Variants in IL17RA observed in about 807,000 individuals in gnomAD.
The protein encoded by IL17RA is interleukin-17 receptor A.
In IL17RA, 34 loss-of-function variants were observed where a neutral mutation model predicts 50.4. That is an observed-to-expected ratio of 0.67 (90% CI 0.51 to 0.90). The LOEUF (loss-of-function observed/expected upper bound fraction) is 0.90. Among genes scored for constraint, IL17RA ranks in the 40% least tolerant of loss-of-function variants. The pLI, the probability that IL17RA is intolerant of heterozygous loss-of-function variation, is 0.00. For synonymous variants in IL17RA, 585 were observed against 510.4 expected, an observed-to-expected ratio of 1.15 and a Z score of -1.97; for missense variants, 1,276 against 1,169.8, an observed-to-expected ratio of 1.09 and a Z score of -1.32.
At position 17,108,335 on chromosome 22, in the gene IL17RA, C is replaced by T. The variant is rs138584265; in HGVS notation, c.1116C>T (p.Pro372=). Residue 372 remains proline (P), a synonymous_variant, in exon 13 of 13, where the codon CCC becomes CCT. Coordinates refer to ENST00000319363, the MANE Select transcript of IL17RA (RefSeq NM_014339.7). ...GCCTGCCTGCGGCTGACCTGATCCC[C>T]CCACCGCTGAAGCCCAGGAAGGTCT... The part of the protein sequence containing the change: ...TDGLPAADLI[P]PPLKPRKVWI... 1,232 of 1,614,140 alleles carry T rather than the reference C, an allele frequency of 7.6e-4. 9 individuals carry two copies. The African/African-American group carries it at 0.015, about 20-fold the overall frequency.
chr22:17,099,156 G>A (rs773123175), intron 4 of IL17RA, among the ~76,000 whole-genome samples: 3 of 152,112 alleles, frequency 2.0e-5, no homozygotes, highest in African/African-American at 7.2e-5. Flanking sequence ...CTAGCTATTC[G>A]TTCGGAAAGG....
intron 8 of IL17RA, 25 bp from the exon 9 acceptor site, chr22:17,104,701 C>T (rs1232998975): frequency 3.7e-6 from 6 of 1,612,352 alleles, no homozygotes; most frequent in South Asian, 1.1e-5. Flanking sequence ...TTCTGGAGCC[C>T]TTTTCCTGCC....
intron 5 of IL17RA, among the ~76,000 whole-genome samples, chr22:17,100,704 C>T (rs1189642183): frequency 1.3e-5 from 2 of 152,186 alleles, no homozygotes; most frequent in Non-Finnish European, 2.9e-5. Flanking sequence ...CAACAGTGGA[C>T]GGTGGCCCAA....
At chr22:17,097,969 T>TG (rs768596135) in intron 3 of IL17RA, 26 bp downstream of exon 3, 11 of 1,613,220 alleles carry the variant, frequency 6.8e-6, no homozygotes, top group African/African-American at 4.0e-5. Flanking sequence ...AGCAGGGCCC[T>TG]GGGGGATTCT....
chr22:17,097,877 T>C lies in IL17RA; in HGVS notation c.244T>C (p.Phe82Leu). 6.2e-7 allele frequency: 1 copy of C among 1,614,210 alleles called. No individual in the cohort carries two copies. Among genetic ancestry groups the C allele is most frequent in the South Asian group, 1.1e-5 (1 of 91,086 alleles). ...SPKDLQIQLH[F>L]AHTQQGDLFP... Reference sequence around the variant, plus strand: ...AAAGGACCTGCAGATCCAGCTGCACTTTGCCCACACCCAACAAGGAGACCT... The same window carrying C: ...AAAGGACCTGCAGATCCAGCTGCACCTTGCCCACACCCAACAAGGAGACCT... Residue 82 changes from phenylalanine to leucine, a missense_variant, in exon 3 of 13, where the codon TTT (phenylalanine) becomes CTT (leucine). Coordinates refer to ENST00000319363, the MANE Select transcript of IL17RA (RefSeq NM_014339.7).
chr22:17,104,842 T>C (rs1324209460), intron 9 of IL17RA, 32 bp downstream of exon 9: 1 of 1,606,628 alleles, frequency 6.2e-7, no homozygotes, highest in East Asian at 2.2e-5. Flanking sequence ...TAGGCCATAC[T>C]GGGAGAACAA....
rs552071715 is a variant in IL17RA, at chr22:17,093,740, A to G, written c.139-3322A>G. On this transcript the variant is annotated intron_variant, in intron 1 of 12. Coordinates refer to ENST00000319363, the MANE Select transcript of IL17RA (RefSeq NM_014339.7). ...TTTCTGGACAGCTGCACATGGACAC[A>G]GTATGGAACGTTCCTTATTCCTTTG... The G allele has an allele frequency of 2.6e-4, 51 of 193,494 alleles. No homozygotes were observed. The East Asian group carries it at 5.1e-3, about 19-fold the overall frequency. The allele number at this position is 193,494 out of a possible 1,614,324, so 12.0% of individuals were successfully genotyped here. A position where few individuals can be genotyped will look rare whatever the true frequency, so the allele number is the denominator to read the frequency against.
chr22:17,109,913 T>C lies in IL17RA; in HGVS notation c.*93T>C. ...GTGTGTACATGTCTGCATGTGTATA[T>C]GTTCGTGTGTGAAATGTAGGCTTTA... On this transcript the variant is annotated 3_prime_UTR_variant, in exon 13 of 13. Coordinates refer to ENST00000319363, the MANE Select transcript of IL17RA (RefSeq NM_014339.7). 8.7e-7 allele frequency: 1 copy of C among 1,153,558 alleles called. No individual in the cohort carries two copies. Among genetic ancestry groups the C allele is most frequent in the Non-Finnish European group, 1.2e-6 (1 of 814,826 alleles). 71.5% of individuals were successfully genotyped at this position (1,153,558 alleles called of 1,614,324 possible).
chr22:17,109,535 C>A lies in IL17RA; in HGVS notation c.2316C>A (p.Ala772=). The change falls in exon 13 of 13, where the codon GCC becomes GCA. Residue 772 remains alanine, a synonymous_variant. Transcript: ENST00000319363. The stretch of plus-strand genomic sequence containing the variant: ...CCCAGGGGGGCTGCAGTAGACCCGC[C>A]ATGGTCCTCACAGACCCACACACGC... ...CQAQGGCSRP[A]MVLTDPHTPY... is the part of the protein sequence containing the mutation. 1 of 1,599,016 alleles carries A rather than the reference C, an allele frequency of 6.3e-7. No individual in the cohort carries two copies.
intron 11 of IL17RA, 48 bp downstream of exon 11, chr22:17,106,002 C>A: frequency 7.3e-7 from 1 of 1,365,934 alleles, no homozygotes. Context: ...CTAATACCAG[C>A]ACCACCACTC....
intron 5 of IL17RA, 107 bp from the exon 6 acceptor site, chr22:17,101,889 A>T: frequency 7.0e-7 from 1 of 1,420,326 alleles, no homozygotes; most frequent in Non-Finnish European, 9.9e-7. Context: ...CCACCTGCGG[A>T]CAGGCTCCCA....
chr22:17,100,881 T>A (rs2061388630), intron 5 of IL17RA, among the ~76,000 whole-genome samples: 1 of 152,164 alleles, frequency 6.6e-6, no homozygotes. Flanking sequence ...TCCTTCCACC[T>A]TACATTCTGC....
Position 17,109,301 on chromosome 22 carries a change from G to T in IL17RA, c.2082G>T (p.Leu694=). 1 of 1,535,628 alleles carries T rather than the reference G, an allele frequency of 6.5e-7. No homozygotes were observed. Among genetic ancestry groups the T allele is most frequent in the Admixed American group, 1.9e-5 (1 of 51,772 alleles). ...GPLADGAAVR[L]ALAGEGEACP... ...TGGCTGACGGTGCCGCAGTCCGGCT[G>T]GCACTGGCGGGGGAGGGCGAGGCCT... Residue 694 remains leucine (L), a synonymous_variant, in exon 13 of 13, where the codon CTG becomes CTT. Transcript: ENST00000319363.
chr22:17,105,828 A>C (rs934442557), intron 10 of IL17RA, 25 bp from the exon 11 acceptor site: 1 of 392,618 alleles, frequency 2.5e-6, no homozygotes, highest in Admixed American at 6.8e-5. Flanking sequence ...CCGCCGCATC[A>C]CTCACGCTGT....
intron 1 of IL17RA, among the ~76,000 whole-genome samples, chr22:17,094,949 C>T (rs1053723338): frequency 6.6e-6 from 1 of 151,546 alleles, no homozygotes; most frequent in Non-Finnish European, 1.5e-5. Flanking sequence ...AACTAGATCT[C>T]ACCTTAATTC....
Position 17,097,222 on chromosome 22 carries a change from C to T in IL17RA, c.163+136C>T, listed in dbSNP as rs189304716. 6.6e-5 allele frequency: 55 copies of T among 838,208 alleles called. No individual in the cohort carries two copies. The African/African-American group carries it at 7.0e-4, about 11-fold the overall frequency. The allele number at this position is 838,208 out of a possible 1,614,324, so 51.9% of individuals were successfully genotyped here. Reference sequence around the variant, plus strand: ...CTACAGCCATCCGCAGGAGGGTTCCCGGAGAATTGTGGATGCGTGCACCTG... The same window carrying T: ...CTACAGCCATCCGCAGGAGGGTTCCTGGAGAATTGTGGATGCGTGCACCTG... On this transcript the variant is annotated intron_variant, in intron 2 of 12. Transcript: ENST00000319363.
At chr22:17,104,843 G>A (rs1387345216) in intron 9 of IL17RA, 33 bp downstream of exon 9, 5 of 1,604,700 alleles carry the variant, frequency 3.1e-6, no homozygotes, top group Non-Finnish European at 4.3e-6. Context: ...AGGCCATACT[G>A]GGAGAACAAG....
intron 11 of IL17RA, 94 bp downstream of exon 11, chr22:17,106,048 A>G: frequency 1.1e-6 from 1 of 950,278 alleles, no homozygotes; most frequent in Non-Finnish European, 1.7e-6. Context: ...TCAGAGCCTC[A>G]GCTTCTTGCT....
rs1410039639 is a variant in IL17RA, at chr22:17,115,266, C to A, written c.*5446C>A. 2 of 152,258 alleles carry A rather than the reference C, an allele frequency of 1.3e-5. No homozygotes were observed. Among genetic ancestry groups the A allele is most frequent in the Non-Finnish European group, 2.9e-5 (2 of 68,044 alleles). 9.4% of individuals were successfully genotyped at this position (152,258 alleles called of 1,614,324 possible). A position where few individuals can be genotyped will look rare whatever the true frequency, so the allele number is the denominator to read the frequency against. ...TCCTACGTTGTTCTGTAATTATTTT[C>A]TATGTAAATTTTGTTCCTTGTTACA... On this transcript the variant is annotated 3_prime_UTR_variant, in exon 13 of 13. Transcript: ENST00000319363.
Sources: gnomAD v4.1 joint callset for allele counts (sites outside exome capture counted in the v4.1 genomes callset) on GRCh38, gnomAD v4.1.1 for gene constraint, MANE v1.5 for transcripts, NCBI Gene and HGNC (gene_info 2026-07-23, HGNC 2026-07-21) for gene names.